LDB2: variants seen among roughly 807,000 people sequenced by gnomAD.
The protein encoded by LDB2 is LIM domain-binding protein 2.
Under a neutral mutation model 44.3 loss-of-function variants are expected in LDB2, and 12 were observed. The ratio of observed to expected loss-of-function variants is 0.27; its 90% confidence interval spans 0.17 to 0.44. The LOEUF is 0.44. LDB2 is among the 20% of genes least tolerant of loss of function. The pLI is 1.00. For synonymous variants in LDB2, 164 were observed against 174.8 expected, an observed-to-expected ratio of 0.94 and a Z score of 0.49; for missense variants, 344 against 473.5, an observed-to-expected ratio of 0.73 and a Z score of 2.54.
At chr4:16,838,118 A>C (rs1258122245) in intron 1 of LDB2, among the ~76,000 whole-genome samples, 1 of 152,246 alleles carries the variant, frequency 6.6e-6, no homozygotes, top group Non-Finnish European at 1.5e-5. Flanking sequence ...GTTTGTATGA[A>C]CAGCAAAGCT....
intron 2 of LDB2, among the ~76,000 whole-genome samples, chr4:16,614,573 G>GAAAAAAAA (rs1282791131): frequency 3.0e-4 from 8 of 26,738 alleles, no homozygotes; most frequent in Non-Finnish European, 5.0e-4. Context: ...ACATTTACAA[G>GAAAAAAAA]AAAAAACAAA....
At chr4:16,558,091 G>A (rs1740459399) in intron 5 of LDB2, among the ~76,000 whole-genome samples, 1 of 152,090 alleles carries the variant, frequency 6.6e-6, no homozygotes, top group African/African-American at 2.4e-5. Flanking sequence ...AAGACCAAAA[G>A]TAGATAAAAC....
chr4:16,583,635 G>T (rs1196684636), intron 5 of LDB2, among the ~76,000 whole-genome samples: 1 of 152,208 alleles, frequency 6.6e-6, no homozygotes, highest in East Asian at 1.9e-4. Flanking sequence ...ACCTTTGTCT[G>T]TCATTCTCAG....
At chr4:16,770,242 C>CTA (rs1770361725) in intron 1 of LDB2, among the ~76,000 whole-genome samples, 1 of 152,084 alleles carries the variant, frequency 6.6e-6, no homozygotes, top group South Asian at 2.1e-4. Flanking sequence ...TGCACAGTAT[C>CTA]TAACACATGG....
In LDB2 at chr4:16,834,804, G is replaced by A. The variant is rs1227892513; in HGVS notation, c.132+63550C>T. 6.6e-5 allele frequency among the ~76,000 whole-genome samples: 10 copies of A among 151,302 alleles called. No individual in the cohort carries two copies. The East Asian group carries it at 2.0e-3, about 30-fold the overall frequency. On this transcript the variant is annotated intron_variant, in intron 1 of 7. Coordinates refer to ENST00000304523, the MANE Select transcript of LDB2 (RefSeq NM_001290.5). ...ATTGTGCCACTGCACTCCAGCCTGG[G>A]TGACAGAGCAAGATTCCATCTCAAA...
At chr4:16,897,895 A>AATATATATATATATAT (rs1174965862) in intron 1 of LDB2, among the ~76,000 whole-genome samples, 3 of 78,154 alleles carry the variant, frequency 3.8e-5, no homozygotes, top group African/African-American at 7.7e-5. Context: ...TAAAAAAGAA[A>AATATATATATATATAT]ATATATATAT....
chr4:16,751,203 T>C (rs1184545952), intron 2 of LDB2, among the ~76,000 whole-genome samples: 2 of 152,140 alleles, frequency 1.3e-5, no homozygotes, highest in South Asian at 2.1e-4. Flanking sequence ...TTGACAATTG[T>C]AACCCCCTAA....
At chr4:16,670,724 C>G (rs1399519717) in intron 2 of LDB2, among the ~76,000 whole-genome samples, 2 of 152,198 alleles carry the variant, frequency 1.3e-5, no homozygotes, top group Non-Finnish European at 2.9e-5. Context: ...ATATCCTCAT[C>G]TATAAAATGG....
At chr4:16,678,740 G>A (rs1746984597) in intron 2 of LDB2, among the ~76,000 whole-genome samples, 1 of 152,154 alleles carries the variant, frequency 6.6e-6, no homozygotes, top group South Asian at 2.1e-4. Flanking sequence ...CAAGGGCAGG[G>A]CCTGGAGGCA....
intron 5 of LDB2, among the ~76,000 whole-genome samples, chr4:16,576,927 C>T (rs755975795): frequency 1.6e-4 from 24 of 152,130 alleles, no homozygotes; most frequent in Non-Finnish European, 3.4e-4. Flanking sequence ...AATAGTTCAA[C>T]GTATGCAAAT....
At chr4:16,714,595 G>A (rs536799986) in intron 2 of LDB2, among the ~76,000 whole-genome samples, 3 of 152,196 alleles carry the variant, frequency 2.0e-5, no homozygotes, top group Admixed American at 6.5e-5. Flanking sequence ...AGCCCAGCCT[G>A]GTAGTTTCCT....
chr4:16,512,474 CA>C (rs925217400), intron 5 of LDB2, among the ~76,000 whole-genome samples: 10 of 151,534 alleles, frequency 6.6e-5, no homozygotes, highest in East Asian at 1.9e-4. Context: ...AACAAACAAA[CA>C]AAAAAAACCC....
At chr4:16,520,090 TA>T (rs1725416388) in intron 5 of LDB2, among the ~76,000 whole-genome samples, 1 of 151,784 alleles carries the variant, frequency 6.6e-6, no homozygotes, top group Non-Finnish European at 1.5e-5. Context: ...CAGTGATAAA[TA>T]CCAAATGTTC....
At chr4:16,641,623 C>A (rs976671510) in intron 2 of LDB2, among the ~76,000 whole-genome samples, 1 of 152,116 alleles carries the variant, frequency 6.6e-6, no homozygotes, top group African/African-American at 2.4e-5. Flanking sequence ...CTCCTGTGAA[C>A]TCAGAGTAAG....
At chr4:16,555,238 T>G (rs1223200534) in intron 5 of LDB2, among the ~76,000 whole-genome samples, 1 of 152,180 alleles carries the variant, frequency 6.6e-6, no homozygotes, top group African/African-American at 2.4e-5. Flanking sequence ...CCCCAAGTGA[T>G]TCTGATATTC....
At chr4:16,873,099 T>C (rs533354096) in intron 1 of LDB2, among the ~76,000 whole-genome samples, 1 of 152,264 alleles carries the variant, frequency 6.6e-6, no homozygotes, top group East Asian at 1.9e-4. Context: ...GCATTTCCTC[T>C]GCATTTGAGA....
intron 1 of LDB2, 79 bp from the exon 2 acceptor site, chr4:16,759,339 A>G (rs1325864580): frequency 3.4e-5 from 36 of 1,071,440 alleles, no homozygotes; most frequent in Non-Finnish European, 5.2e-5. Context: ...GAAGAGAAAG[A>G]AAAACTCAGC....
intron 1 of LDB2, 89 bp downstream of exon 1, chr4:16,898,265 C>G (rs907725456): frequency 5.3e-6 from 7 of 1,320,766 alleles, no homozygotes; most frequent in African/African-American, 4.4e-5. Flanking sequence ...TGGGACACTT[C>G]CCATAGAATT....
intron 2 of LDB2, among the ~76,000 whole-genome samples, chr4:16,658,706 A>G (rs924736689): frequency 5.9e-5 from 9 of 152,166 alleles, no homozygotes; most frequent in African/African-American, 2.2e-4. Flanking sequence ...CCTCAGTGTT[A>G]AAAAAAGAAA....
Sources: allele counts gnomAD v4.1 joint callset (sites outside exome capture counted in the v4.1 genomes callset), GRCh38; gene constraint gnomAD v4.1.1; transcripts MANE v1.5; gene names NCBI Gene and HGNC (gene_info 2026-07-23, HGNC 2026-07-21).